ERP44: variants seen among roughly 807,000 people sequenced by gnomAD.
The protein encoded by ERP44 is endoplasmic reticulum protein 44.
ERP44 carries 25 observed loss-of-function variants against 53.4 expected under a neutral mutation model. The observed-to-expected ratio is 0.47, with a 90% confidence interval of 0.34 to 0.65. The LOEUF is 0.65. Among genes scored for constraint, ERP44 ranks in the 30% least tolerant of loss-of-function variants. ERP44 has a pLI of 0.01. For synonymous variants in ERP44, 145 were observed against 161.2 expected, an observed-to-expected ratio of 0.90 and a Z score of 0.76; for missense variants, 338 against 493.2, an observed-to-expected ratio of 0.69 and a Z score of 2.98.
chr9:100,060,503 G>A (rs1826134508), intron 1 of ERP44, among the ~76,000 whole-genome samples: 1 of 152,154 alleles, frequency 6.6e-6, no homozygotes, highest in African/African-American at 2.4e-5. Flanking sequence ...AAAAATTTGT[G>A]AGATTATCAG....
In ERP44 at chr9:99,980,408, C is replaced by T. The variant is rs1338490519; in HGVS notation, c.*2204G>A. The T allele has an allele frequency of 1.5e-5, 3 of 203,422 alleles. No homozygotes were observed. Among genetic ancestry groups the T allele is most frequent in the African/African-American group, 4.6e-5 (2 of 43,438 alleles). The allele number at this position is 203,422 out of a possible 1,614,324, so 12.6% of individuals were successfully genotyped here. A position where few individuals can be genotyped will look rare whatever the true frequency, so the allele number is the denominator to read the frequency against. On this transcript the variant is annotated 3_prime_UTR_variant, in exon 12 of 12. Coordinates refer to ENST00000262455, the MANE Select transcript of ERP44 (RefSeq NM_015051.3). The stretch of plus-strand genomic sequence containing the variant: ...AGCCCTGGGATCCAGATAGACAGTG[C>T]CAGCATTTCAAATAATATCTAAAGA...
At chr9:100,041,807 G>A (rs1232947992) in intron 4 of ERP44, among the ~76,000 whole-genome samples, 1 of 152,168 alleles carries the variant, frequency 6.6e-6, no homozygotes, top group Non-Finnish European at 1.5e-5. Context: ...ACTGGGGAAA[G>A]GACAGTCTCT....
intron 1 of ERP44, among the ~76,000 whole-genome samples, chr9:100,086,302 A>T (rs1826481420): frequency 6.6e-6 from 1 of 152,236 alleles, no homozygotes; most frequent in African/African-American, 2.4e-5. Context: ...CTATTTTGAT[A>T]AGGCTATGTC....
chr9:100,060,699 A>G (rs1417314386), intron 1 of ERP44, among the ~76,000 whole-genome samples: 1 of 152,230 alleles, frequency 6.6e-6, no homozygotes, highest in Non-Finnish European at 1.5e-5. Context: ...TATTAAAAAG[A>G]AAATAAGAAT....
rs541562903 is a variant in ERP44, at chr9:100,060,983, C to A, written c.58-811G>T. 6.8e-4 allele frequency among the ~76,000 whole-genome samples: 103 copies of A among 152,286 alleles called. 1 individual carries two copies. The highest frequency in any genetic ancestry group is 1.4e-3 in the Non-Finnish European group (93 of 68,026). ...CTTTTTACTGAATGACAACTAATGT[C>A]AGGCTCTGATCAAAGTGCTGAAGAC... On this transcript the variant is annotated intron_variant, in intron 1 of 11. Coordinates refer to ENST00000262455, the MANE Select transcript of ERP44 (RefSeq NM_015051.3).
At chr9:99,999,269 T>G (rs1016287262) in intron 10 of ERP44, among the ~76,000 whole-genome samples, 3 of 152,076 alleles carry the variant, frequency 2.0e-5, no homozygotes, top group Non-Finnish European at 4.4e-5. Flanking sequence ...GAGAACTGTC[T>G]ATTCATGTCC....
chr9:100,013,144 A>C (rs1830493328), intron 8 of ERP44, among the ~76,000 whole-genome samples: 1 of 152,224 alleles, frequency 6.6e-6, no homozygotes. Flanking sequence ...GGAAAGATTC[A>C]GGGAATCTTG....
chr9:100,007,203 T>C (rs1793426132), intron 9 of ERP44, among the ~76,000 whole-genome samples: 1 of 152,236 alleles, frequency 6.6e-6, no homozygotes, highest in Non-Finnish European at 1.5e-5. Context: ...TCAACTTTCT[T>C]TCATTTAGAA....
chr9:100,075,027 G>A (rs184246924), intron 1 of ERP44, among the ~76,000 whole-genome samples: 64 of 152,326 alleles, frequency 4.2e-4, no homozygotes, highest in African/African-American at 1.4e-3. Context: ...AGCCATTAGA[G>A]CTGCCTCTAC....
At chr9:100,042,888 GAAGGATGGTTACCA>G (rs779449998) in intron 4 of ERP44, among the ~76,000 whole-genome samples, 92 of 152,230 alleles carry the variant, frequency 6.0e-4, no homozygotes, top group Non-Finnish European at 1.1e-3. Flanking sequence ...ATAGAGCATA[GAAGGATGGTTACCA>G]AAGGGTGGAA....
chr9:100,058,146 A>AT (rs1397529914), intron 2 of ERP44, among the ~76,000 whole-genome samples: 2 of 152,042 alleles, frequency 1.3e-5, no homozygotes, highest in African/African-American at 4.8e-5. Context: ...CATGATCAAA[A>AT]CCCAGTGCAG....
chr9:100,019,638 A>G, intron 6 of ERP44, among the ~76,000 whole-genome samples: 1 of 149,608 alleles, frequency 6.7e-6, no homozygotes, highest in Admixed American at 6.6e-5. Flanking sequence ...CAGAACCACA[A>G]AAATGATTCC....
At chr9:100,090,681 G>A (rs1475033864) in intron 1 of ERP44, among the ~76,000 whole-genome samples, 1 of 151,940 alleles carries the variant, frequency 6.6e-6, no homozygotes, top group Non-Finnish European at 1.5e-5. Context: ...CCCAGGAGGT[G>A]GAGGCTGCAG....
chr9:100,074,473 G>C (rs764249883), intron 1 of ERP44, among the ~76,000 whole-genome samples: 10 of 152,160 alleles, frequency 6.6e-5, no homozygotes, highest in Non-Finnish European at 1.0e-4. Context: ...GAAAAAACTT[G>C]TAGGTCGAAT....
At chr9:100,047,257 A>G (rs571312150) in intron 4 of ERP44, among the ~76,000 whole-genome samples, 1 of 152,298 alleles carries the variant, frequency 6.6e-6, no homozygotes, top group Non-Finnish European at 1.5e-5. Flanking sequence ...CTGCACCAAC[A>G]TTAAGAACAT....
chr9:100,088,821 A>G (rs956279953), intron 1 of ERP44, among the ~76,000 whole-genome samples: 1 of 152,160 alleles, frequency 6.6e-6, no homozygotes, highest in Admixed American at 6.6e-5. Flanking sequence ...TATTCTTCTA[A>G]AAGTTTTCTC....
At chr9:100,033,271 T>C (rs1459891840) in intron 4 of ERP44, among the ~76,000 whole-genome samples, 2 of 152,194 alleles carry the variant, frequency 1.3e-5, no homozygotes, top group Non-Finnish European at 2.9e-5. Flanking sequence ...CAACGTTGAC[T>C]TGTAGAGCCA....
chr9:100,087,797 T>C (rs1826502038), intron 1 of ERP44, among the ~76,000 whole-genome samples: 1 of 152,150 alleles, frequency 6.6e-6, no homozygotes, highest in Non-Finnish European at 1.5e-5. Flanking sequence ...CCCAATCTTA[T>C]ATTGTTCAAA....
At chr9:100,051,412 G>C (rs530432865) in intron 4 of ERP44, among the ~76,000 whole-genome samples, 1 of 152,212 alleles carries the variant, frequency 6.6e-6, no homozygotes, top group African/African-American at 2.4e-5. Context: ...TTAATCAGTA[G>C]GTTAAGTATA....
Sources: allele counts gnomAD v4.1 joint callset (sites outside exome capture counted in the v4.1 genomes callset), GRCh38; gene constraint gnomAD v4.1.1; transcripts MANE v1.5; gene names NCBI Gene and HGNC (gene_info 2026-07-23, HGNC 2026-07-21).